Variants in AKAP8 observed in about 807,000 individuals in gnomAD.
AKAP8 encodes the protein A-kinase anchor protein 8.
In AKAP8, 24 loss-of-function variants were observed where a neutral mutation model predicts 67.5. That is an observed-to-expected ratio of 0.36 (90% CI 0.26 to 0.50). The LOEUF is 0.50. Among genes scored for constraint, AKAP8 ranks in the 20% least tolerant of loss-of-function variants. The pLI is 0.97. For missense variants in AKAP8, 971 were observed against 955.9 expected, an observed-to-expected ratio of 1.02 and a Z score of -0.21; for synonymous variants, 400 against 371.1, an observed-to-expected ratio of 1.08 and a Z score of -0.90.
Position 15,364,108 on chromosome 19 carries a change from C to CAA in AKAP8, c.1161-1859_1161-1858dup, listed in dbSNP as rs71176406. Among the ~76,000 whole-genome samples, 27 of 52,342 alleles carry CAA rather than the reference C, an allele frequency of 5.2e-4. 2 individuals are homozygous for CAA. The highest frequency in any genetic ancestry group is 1.6e-3 in the African/African-American group (19 of 12,004). 34.3% of individuals were successfully genotyped at this position (52,342 alleles called of 152,430 possible). On this transcript the variant is annotated intron_variant, in intron 9 of 13. Coordinates refer to ENST00000269701, the MANE Select transcript of AKAP8 (RefSeq NM_005858.4). ...AATAAATAAATAAATTGGCAGTGGG[C>CAA]AAAAAAAAAAAAAAAAAGAAACAGG...
chr19:15,373,046 C>G lies in AKAP8; in HGVS notation c.666G>C (p.Thr222=). Residue 222 remains threonine (T), a synonymous_variant, in exon 5 of 14, where the codon ACG becomes ACC. Coordinates refer to ENST00000269701, the MANE Select transcript of AKAP8 (RefSeq NM_005858.4). ...PPAASSEPLS[T]PWNELNYVGG... Reference sequence around the variant, plus strand: ...CCACGTAGTTCAGCTCGTTCCAGGGCGTGGACAGGGGCTCAGAGGACGCAG... The same window carrying G: ...CCACGTAGTTCAGCTCGTTCCAGGGGGTGGACAGGGGCTCAGAGGACGCAG... 1 of 1,601,802 alleles carries G rather than the reference C, an allele frequency of 6.2e-7. No individual in the cohort carries two copies. Among genetic ancestry groups the G allele is most frequent in the South Asian group, 1.1e-5 (1 of 90,018 alleles).
rs977804668 is a variant in AKAP8 at position 15,379,401 on chromosome 19, C to T, written c.19+312G>A. The T allele has an allele frequency of 1.4e-5, 5 of 365,430 alleles. No homozygotes were observed. The Admixed American group carries it at 2.4e-4, about 17-fold the overall frequency. 22.6% of individuals were successfully genotyped at this position (365,430 alleles called of 1,614,324 possible). The stretch of plus-strand genomic sequence containing the variant: ...GGGTCGCTGGGGGCCGGAAGGACTC[C>T]GCCGAAGGTGAGGGGCAAAAACGGC... On this transcript the variant is annotated intron_variant, in intron 1 of 13. Transcript: ENST00000269701.
intron 5 of AKAP8, 41 bp from the exon 6 acceptor site, chr19:15,372,388 C>A (rs867964291): frequency 6.2e-7 from 1 of 1,602,140 alleles, no homozygotes. Context: ...CTTACGAGGG[C>A]CATGAAGATG....
intron 13 of AKAP8, among the ~76,000 whole-genome samples, chr19:15,356,744 CGCCTG>C (rs1568422661): frequency 6.6e-6 from 1 of 152,208 alleles, no homozygotes; most frequent in Non-Finnish European, 1.5e-5. Flanking sequence ...AAGGTGCTCA[CGCCTG>C]TAACCCCAGC....
At chr19:15,374,136 G>A (rs1181452450) in intron 3 of AKAP8, 71 bp from the exon 4 acceptor site, 2 of 1,496,716 alleles carry the variant, frequency 1.3e-6, no homozygotes, top group African/African-American at 1.4e-5. Context: ...CACAACCGGG[G>A]AGGGGCACCC....
intron 9 of AKAP8, among the ~76,000 whole-genome samples, chr19:15,366,148 C>CAA (rs1419505135): frequency 2.1e-4 from 4 of 18,736 alleles, no homozygotes; most frequent in East Asian, 6.1e-3. Flanking sequence ...GAAAAAAAAG[C>CAA]AAAAAGAAAA....
In AKAP8 at chr19:15,373,029, T is replaced by C. The variant is rs1010782035; in HGVS notation, c.683A>G (p.Asn228Ser). 1.3e-6 allele frequency: 2 copies of C among 1,592,980 alleles called. No individual in the cohort carries two copies. The highest frequency in any genetic ancestry group is 1.7e-6 in the Non-Finnish European group (2 of 1,167,596). ...EPLSTPWNEL[N>S]YVGGRGLGGP... ...TCCCAGGCCCCGTCCACCCACGTAGTTCAGCTCGTTCCAGGGCGTGGACAG... is the reference window on the plus strand; with the variant it reads ...TCCCAGGCCCCGTCCACCCACGTAGCTCAGCTCGTTCCAGGGCGTGGACAG... Residue 228 changes from asparagine (N) to serine (S), a missense_variant, in exon 5 of 14, where the codon AAC becomes AGC. Asn to Ser is a conservative substitution (Grantham distance 46). Transcript: ENST00000269701.
At chr19:15,360,128 T>G (rs930133288) in intron 12 of AKAP8, among the ~76,000 whole-genome samples, 2 of 149,724 alleles carry the variant, frequency 1.3e-5, no homozygotes, top group African/African-American at 4.9e-5. Flanking sequence ...AGAGTGAAAC[T>G]CCGTAAAAAA....
At chr19:15,371,116 C>T (rs1193585727) in intron 7 of AKAP8, among the ~76,000 whole-genome samples, 3 of 152,140 alleles carry the variant, frequency 2.0e-5, no homozygotes, top group African/African-American at 7.2e-5. Flanking sequence ...CCTGAAAAGC[C>T]ACCATCTCCT....
chr19:15,371,915 C>T (rs752437038), intron 7 of AKAP8, 37 bp downstream of exon 7: 1 of 1,610,730 alleles, frequency 6.2e-7, no homozygotes, highest in Non-Finnish European at 8.5e-7. Flanking sequence ...AGAAGAAATC[C>T]CACACTAGAG....
rs1018329503 is a variant in AKAP8 at position 15,372,035 on chromosome 19, A to G, written c.992-37T>C. The stretch of plus-strand genomic sequence containing the variant: ...AAAGAAAGGAAAAGTCAGTCCCCGG[A>G]GAACGGTCCCATCCGGTTTCCGCCC... On this transcript the variant is annotated intron_variant, in intron 6 of 13. Coordinates refer to ENST00000269701, the MANE Select transcript of AKAP8 (RefSeq NM_005858.4). The G allele has an allele frequency of 2.3e-5, 37 of 1,613,530 alleles. 1 individual carries two copies. The Middle Eastern group carries it at 6.8e-4, about 30-fold the overall frequency.
At chr19:15,361,160 G>C (rs1783124032) in intron 11 of AKAP8, among the ~76,000 whole-genome samples, 182 bp from the exon 12 acceptor site, 1 of 152,118 alleles carries the variant, frequency 6.6e-6, no homozygotes, top group Non-Finnish European at 1.5e-5. Context: ...GCACTTTTCA[G>C]CTTTTCTGTT....
At chr19:15,368,419 C>CTG in intron 8 of AKAP8, 97 bp from the exon 9 acceptor site, 8 of 1,593,122 alleles carry the variant, frequency 5.0e-6, no homozygotes, top group Non-Finnish European at 6.0e-6. Context: ...CCACCGCACC[C>CTG]TGTGCCCTGC....
At chr19:15,362,380 TCTCCCC>T (rs1220218230) in intron 9 of AKAP8, 129 bp from the exon 10 acceptor site, 13 of 816,448 alleles carry the variant, frequency 1.6e-5, no homozygotes, top group Non-Finnish European at 2.2e-5. Context: ...CCCCTCTCCC[TCTCCCC>T]ACGGTCTCCC....
At position 15,373,309 on chromosome 19, in the gene AKAP8, C is replaced by A. The variant is rs777006737; in HGVS notation, c.403G>T (p.Asp135Tyr). The A allele has an allele frequency of 6.2e-7, 1 of 1,612,544 alleles. No homozygotes were observed. Among genetic ancestry groups the A allele is most frequent in the Admixed American group, 1.7e-5 (1 of 59,892 alleles). ...SFRFQPFESYDSRPCLPEHNP... is the reference protein window; with the variant it reads ...SFRFQPFESYYSRPCLPEHNP... ...TGCTCCGGCAGGCAGGGCCTGGAGT[C>A]ATAGGACTCGAACGGCTGGAAGCGG... is the stretch of plus-strand genomic sequence containing the variant. The change falls in exon 5 of 14, where the codon GAC (aspartate) becomes TAC (tyrosine). Residue 135 changes from aspartate to tyrosine, a missense_variant. Asp to Tyr is a radical substitution (Grantham distance 160). Coordinates refer to ENST00000269701, the MANE Select transcript of AKAP8 (RefSeq NM_005858.4).
At chr19:15,364,491 CAGGCGCCCACCA>C (rs1173713195) in intron 9 of AKAP8, among the ~76,000 whole-genome samples, 1 of 152,106 alleles carries the variant, frequency 6.6e-6, no homozygotes, top group Admixed American at 6.6e-5. Context: ...GCTGGGATTA[CAGGCGCCCACCA>C]CCACTCCCAG....
chr19:15,362,146 G>T lies in AKAP8; in HGVS notation c.1266C>A (p.Ser422Arg), dbSNP rs750125258. Reference sequence around the variant, plus strand: ...CCACGGTCTTGTCGGGCAGCTTGGTGCTTATGAACCGCAGGGTCTCTTTGT... The same window carrying T: ...CCACGGTCTTGTCGGGCAGCTTGGTTCTTATGAACCGCAGGGTCTCTTTGT... ...KFHKETLRFISTKLPDKTVEF... is the reference protein window; with the variant it reads ...KFHKETLRFIRTKLPDKTVEF... Residue 422 changes from serine (S) to arginine (R), a missense_variant, in exon 10 of 14, where the codon AGC becomes AGA. Around this residue, in one of 3 missense-constraint regions of AKAP8, gnomAD observed 763 missense variants for 745.4 expected, o/e 1.02. Transcript: ENST00000269701. 6.2e-7 allele frequency: 1 copy of T among 1,614,104 alleles called. No individual in the cohort carries two copies. Among genetic ancestry groups the T allele is most frequent in the Non-Finnish European group, 8.5e-7 (1 of 1,179,998 alleles).
intron 9 of AKAP8, among the ~76,000 whole-genome samples, 175 bp downstream of exon 9, chr19:15,368,060 C>G (rs1394965440): frequency 6.6e-6 from 1 of 152,240 alleles, no homozygotes; most frequent in Non-Finnish European, 1.5e-5. Context: ...GCTGGGAGCA[C>G]GAGTGATGGT....
intron 1 of AKAP8, 58 bp downstream of exon 1, chr19:15,379,655 C>G: frequency 6.4e-7 from 1 of 1,567,978 alleles, no homozygotes. Context: ...TGCGCAGCGG[C>G]TGCGTCGCCC....
Sources: gnomAD v4.1 joint callset for allele counts (sites outside exome capture counted in the v4.1 genomes callset) on GRCh38, gnomAD v4.1.1 for gene constraint, gnomAD v4.1.1 regional missense constraint, MANE v1.5 for transcripts, NCBI Gene and HGNC (gene_info 2026-07-23, HGNC 2026-07-21) for gene names.